The following LRRIQ3 variants were observed in gnomAD, a reference collection of about 807,000 sequenced individuals.
LRRIQ3 encodes the protein leucine rich repeats and IQ motif containing 3.
In LRRIQ3, 75 loss-of-function variants were observed where a neutral mutation model predicts 59.3. The observed-to-expected ratio is 1.26, with a 90% confidence interval of 1.05 to 1.53. The LOEUF is 1.53. Ranked by LOEUF, LRRIQ3 falls within the 40% of genes most tolerant of loss-of-function variation. The probability of loss-of-function intolerance (pLI) is 0.00; values close to 1 mark genes in which losing one functional copy is unlikely to be tolerated. For missense variants in LRRIQ3, 831 were observed against 710.0 expected, an observed-to-expected ratio of 1.17 and a Z score of -1.94; for synonymous variants, 250 against 231.3, an observed-to-expected ratio of 1.08 and a Z score of -0.73.
intron 7 of LRRIQ3, among the ~76,000 whole-genome samples, chr1:74,036,431 A>T (rs754922913): frequency 3.9e-5 from 6 of 152,142 alleles, no homozygotes; most frequent in Admixed American, 3.9e-4. Context: ...TCTATTCTTC[A>T]TCAAATCTAA....
chr1:74,091,861 C>G (rs1646398299), intron 5 of LRRIQ3, among the ~76,000 whole-genome samples: 1 of 151,858 alleles, frequency 6.6e-6, no homozygotes, highest in African/African-American at 2.4e-5. Flanking sequence ...CTTTCCATAC[C>G]TACTCTGCAG....
rs200568047 is a variant in LRRIQ3 at position 74,041,565 on chromosome 1, C to A, written c.1366G>T (p.Ala456Ser). The A allele has an allele frequency of 1.4e-5, 22 of 1,613,300 alleles. No individual in the cohort carries two copies. The African/African-American group carries it at 2.4e-4, about 18-fold the overall frequency. ...TTCTGATTCAAATGTTCATTAACAGCTACTCTAACTCTTTCTCGAGCAACT... is the reference window on the plus strand; with the variant it reads ...TTCTGATTCAAATGTTCATTAACAGATACTCTAACTCTTTCTCGAGCAACT... ...AQVARERVRV[A>S]VNEHLNQKKY... The change falls in exon 7 of 8, where the codon GCT becomes TCT. Residue 456 changes from alanine to serine, a missense_variant. Transcript: ENST00000354431.
At chr1:74,134,716 T>C (rs12729092) in intron 4 of LRRIQ3, among the ~76,000 whole-genome samples, 3 of 151,604 alleles carry the variant, frequency 2.0e-5, no homozygotes, top group Non-Finnish European at 4.4e-5. Context: ...ATACATACTG[T>C]AGTACATAGA....
chr1:74,060,903 C>T (rs1355947512), intron 6 of LRRIQ3, among the ~76,000 whole-genome samples: 18 of 151,988 alleles, frequency 1.2e-4, no homozygotes, highest in Admixed American at 1.1e-3. Context: ...TCATTTTGAC[C>T]CCCAGTGACT....
In LRRIQ3 at chr1:74,180,723, G is replaced by T. The variant is rs112361212; in HGVS notation, c.573+1815C>A. On this transcript the variant is annotated intron_variant, in intron 3 of 7. Coordinates refer to ENST00000354431, the MANE Select transcript of LRRIQ3 (RefSeq NM_001105659.2). The stretch of plus-strand genomic sequence containing the variant: ...TGAAATCCCACCTCATGACTCATTT[G>T]CTGTCCAATATTGGGTAAGTTCCTA... 39 of 1,549,902 alleles carry T rather than the reference G, an allele frequency of 2.5e-5. No homozygotes were observed. In the African/African-American group the frequency reaches 3.3e-4, roughly 13 times the overall value.
chr1:74,027,114 T>A, intron 7 of LRRIQ3, 145 bp from the exon 8 acceptor site: 1 of 540,836 alleles, frequency 1.8e-6, no homozygotes, highest in Non-Finnish European at 3.2e-6. Flanking sequence ...TTATATAACT[T>A]GGTTATATCA....
chr1:74,171,307 G>T (rs1649307794), intron 3 of LRRIQ3, among the ~76,000 whole-genome samples: 1 of 152,094 alleles, frequency 6.6e-6, no homozygotes, highest in Admixed American at 6.6e-5. Context: ...ATATTGCATT[G>T]AGGGAAACTC....
intron 5 of LRRIQ3, among the ~76,000 whole-genome samples, chr1:74,092,372 A>G (rs375996454): frequency 1.2e-4 from 19 of 152,112 alleles, no homozygotes; most frequent in African/African-American, 4.3e-4. Flanking sequence ...TGATAGCAAT[A>G]TGGTAGCTGG....
At chr1:74,093,670 G>A (rs901971822) in intron 5 of LRRIQ3, among the ~76,000 whole-genome samples, 7 of 152,018 alleles carry the variant, frequency 4.6e-5, no homozygotes, top group African/African-American at 1.4e-4. Flanking sequence ...ACCAGGGCTG[G>A]TATGAAAACT....
chr1:74,075,571 A>C (rs1646197684), intron 5 of LRRIQ3, among the ~76,000 whole-genome samples: 1 of 151,910 alleles, frequency 6.6e-6, no homozygotes. Context: ...CGTCTCAGAA[A>C]AAAAAAAAAA....
chr1:74,050,256 T>G (rs2100413772), intron 6 of LRRIQ3, among the ~76,000 whole-genome samples: 1 of 152,234 alleles, frequency 6.6e-6, no homozygotes, highest in East Asian at 1.9e-4. Flanking sequence ...CAGATAATAC[T>G]TGAAGTACAG....
At chr1:74,145,264 A>AATGCAC (rs1647497225) in intron 4 of LRRIQ3, among the ~76,000 whole-genome samples, 1 of 152,138 alleles carries the variant, frequency 6.6e-6, no homozygotes, top group African/African-American at 2.4e-5. Flanking sequence ...AAGGACAACA[A>AATGCAC]AAGGGTATTC....
At chr1:74,077,704 T>C (rs1646225714) in intron 5 of LRRIQ3, among the ~76,000 whole-genome samples, 2 of 151,992 alleles carry the variant, frequency 1.3e-5, no homozygotes, top group Admixed American at 6.6e-5. Context: ...AAAGGGTACA[T>C]ATATGACAGG....
At chr1:74,197,460 A>G (rs1299145511) in intron 1 of LRRIQ3, among the ~76,000 whole-genome samples, 3 of 152,212 alleles carry the variant, frequency 2.0e-5, no homozygotes, top group Admixed American at 1.3e-4. Context: ...CTCGTGTTCT[A>G]TAACAGGAAC....
chr1:74,164,879 C>T (rs1336407877), intron 3 of LRRIQ3, among the ~76,000 whole-genome samples: 1 of 151,464 alleles, frequency 6.6e-6, no homozygotes, highest in African/African-American at 2.4e-5. Context: ...GGTCTTTTGG[C>T]TATGGATACC....
intron 4 of LRRIQ3, among the ~76,000 whole-genome samples, chr1:74,150,017 A>G (rs1391033490): frequency 1.3e-5 from 2 of 152,210 alleles, no homozygotes; most frequent in African/African-American, 4.8e-5. Flanking sequence ...CTGGCTAACG[A>G]AATGTAGGAA....
chr1:74,046,431 T>A (rs1412034598), intron 6 of LRRIQ3, among the ~76,000 whole-genome samples: 1 of 152,134 alleles, frequency 6.6e-6, no homozygotes, highest in Non-Finnish European at 1.5e-5. Context: ...GATCCCTACC[T>A]TACACCTTAT....
Position 74,109,443 on chromosome 1 carries a change from A to C in LRRIQ3, c.818T>G (p.Phe273Cys). The change falls in exon 5 of 8, where the codon TTT (phenylalanine) becomes TGT (cysteine). Residue 273 changes from phenylalanine to cysteine, a missense_variant. Physicochemically the swap from Phe to Cys is radical, Grantham distance 205. Coordinates refer to ENST00000354431, the MANE Select transcript of LRRIQ3 (RefSeq NM_001105659.2). ...GYEDKLLKDL[F>C]FKPETNIKGK... ...TTTTATATTAGTTTCAGGTTTGAAA[A>C]AGAGATCCTTAAGGAGCTTATCTTC... is the stretch of plus-strand genomic sequence containing the variant. The C allele has an allele frequency of 1.9e-6, 3 of 1,570,384 alleles. No individual in the cohort carries two copies. Among genetic ancestry groups the C allele is most frequent in the Non-Finnish European group, 2.6e-6 (3 of 1,158,698 alleles).
At chr1:74,073,189 G>A (rs1288830318) in intron 6 of LRRIQ3, among the ~76,000 whole-genome samples, 1 of 152,076 alleles carries the variant, frequency 6.6e-6, no homozygotes, top group Admixed American at 6.6e-5. Flanking sequence ...CTATGTTCCA[G>A]ATTCAATAAA....
Sources: gnomAD v4.1 joint callset for allele counts (sites outside exome capture counted in the v4.1 genomes callset) on GRCh38, gnomAD v4.1.1 for gene constraint, MANE v1.5 for transcripts, NCBI Gene and HGNC (gene_info 2026-07-23, HGNC 2026-07-21) for gene names.